TBCE: variants seen among roughly 807,000 people sequenced by gnomAD.
TBCE encodes tubulin-specific chaperone E.
A neutral mutation model predicts 77.0 loss-of-function variants in TBCE; 53 were observed. That is an observed-to-expected ratio of 0.69 (90% CI 0.55 to 0.87). TBCE has a LOEUF of 0.87. TBCE is among the 40% of genes least tolerant of loss of function. TBCE has a pLI of 0.00. For synonymous variants in TBCE, 235 were observed against 241.3 expected, an observed-to-expected ratio of 0.97 and a Z score of 0.24; for missense variants, 624 against 622.4, an observed-to-expected ratio of 1.00 and a Z score of -0.03.
Position 235,438,642 on chromosome 1 carries a change from A to G in TBCE, c.1117-127A>G, listed in dbSNP as rs1012041650. 1.2e-4 allele frequency: 130 copies of G among 1,092,334 alleles called. 1 individual carries two copies. The highest frequency in any genetic ancestry group is 1.5e-4 in the Non-Finnish European group (112 of 734,108). The allele number at this position is 1,092,334 out of a possible 1,614,324, so 67.7% of individuals were successfully genotyped here. ...AATGTTAAAAAGAAGGGTGAAAACT[A>G]GATCTTGTCCCTCTCAATTTGATTA... is the stretch of plus-strand genomic sequence containing the variant. On this transcript the variant is annotated intron_variant, in intron 12 of 16. Transcript: ENST00000642610.
In TBCE at chr1:235,373,928, C is replaced by T. The variant is rs559430197; in HGVS notation, c.-31-6091C>T. Among the ~76,000 whole-genome samples the T allele has an allele frequency of 1.8e-4, 26 of 145,776 alleles. 4 individuals are homozygous for T. The highest frequency in any genetic ancestry group is 6.3e-4 in the African/African-American group (24 of 37,858). On this transcript the variant is annotated intron_variant, in intron 1 of 16. Transcript: ENST00000642610. ...CCTCCCAAAGTGCTGGGATTACAGA[C>T]GTGAGCCACCGCACCCAGACTTGTA...
chr1:235,397,009 T>G (rs1175340055), intron 2 of TBCE, among the ~76,000 whole-genome samples: 1 of 151,844 alleles, frequency 6.6e-6, no homozygotes, highest in South Asian at 2.1e-4. Context: ...AGAGTCTCGC[T>G]CTGTCTCCAA....
At chr1:235,380,880 G>C (rs1243884643) in intron 2 of TBCE, among the ~76,000 whole-genome samples, 1 of 152,072 alleles carries the variant, frequency 6.6e-6, no homozygotes, top group Non-Finnish European at 1.5e-5. Flanking sequence ...CTGCCTCCTG[G>C]GTTCAAGCGA....
intron 2 of TBCE, among the ~76,000 whole-genome samples, chr1:235,394,219 C>T (rs1029106467): frequency 1.3e-5 from 2 of 151,880 alleles, no homozygotes; most frequent in East Asian, 1.9e-4. Context: ...GAAATACAGG[C>T]GCCCACCACT....
Position 235,449,910 on chromosome 1 carries a change from T to TA in TBCE, c.*1149dup. The TA allele has an allele frequency of 4.1e-6, 1 of 244,940 alleles. No individual in the cohort carries two copies. Among genetic ancestry groups the TA allele is most frequent in the Admixed American group, 4.9e-5 (1 of 20,400 alleles). The allele number at this position is 244,940 out of a possible 1,614,324, so 15.2% of individuals were successfully genotyped here. On this transcript the variant is annotated 3_prime_UTR_variant, in exon 17 of 17. Coordinates refer to ENST00000642610, the MANE Select transcript of TBCE (RefSeq NM_003193.5). ...CTATAGGTAATGGTGAATTACTAATTAGCCACAATGCATCAGGATTTAGAA... is the reference window on the plus strand; with the variant it reads ...CTATAGGTAATGGTGAATTACTAATTAAGCCACAATGCATCAGGATTTAGAA...
At chr1:235,403,001 G>A (rs895248101) in intron 3 of TBCE, among the ~76,000 whole-genome samples, 29 of 152,106 alleles carry the variant, frequency 1.9e-4, no homozygotes, top group African/African-American at 5.8e-4. Flanking sequence ...TCAGAATTAG[G>A]TAACCACACA....
At chr1:235,399,447 A>G (rs1306986311) in intron 2 of TBCE, among the ~76,000 whole-genome samples, 1 of 152,114 alleles carries the variant, frequency 6.6e-6, no homozygotes, top group Non-Finnish European at 1.5e-5. Context: ...GCCCCAAGGC[A>G]GAACTCTAAT....
intron 1 of TBCE, among the ~76,000 whole-genome samples, chr1:235,368,318 G>C (rs939862757): frequency 6.6e-6 from 1 of 152,284 alleles, no homozygotes; most frequent in South Asian, 2.1e-4. Flanking sequence ...GTCCTGGCAG[G>C]AAGACGGGGT....
At chr1:235,408,335 G>A (rs1021005237) in intron 3 of TBCE, among the ~76,000 whole-genome samples, 3 of 152,096 alleles carry the variant, frequency 2.0e-5, no homozygotes, top group Non-Finnish European at 4.4e-5. Flanking sequence ...CATCTTTTGT[G>A]TGTCATAAGC....
Position 235,380,147 on chromosome 1 carries a change from C to T in TBCE, c.98C>T (p.Ala33Val), listed in dbSNP as rs756536817. The T allele has an allele frequency of 5.7e-6, 9 of 1,587,754 alleles. No homozygotes were observed. The South Asian group carries it at 9.9e-5, about 18-fold the overall frequency. ...VRFAGVVPPV[A>V]GPWLGVEWDN... is the part of the protein sequence containing the mutation. Reference sequence around the variant, plus strand: ...TTTGCTGGTGTTGTCCCTCCCGTGGCAGGTAAGCAATTATTGTGTGTGTGT... The same window carrying T: ...TTTGCTGGTGTTGTCCCTCCCGTGGTAGGTAAGCAATTATTGTGTGTGTGT... The change falls in exon 2 of 17, where the codon GCA becomes GTA. Residue 33 changes from alanine to valine, a missense_variant and splice_region_variant. Physicochemically the swap from Ala to Val is moderately conservative, Grantham distance 64. Transcript: ENST00000642610.
intron 2 of TBCE, among the ~76,000 whole-genome samples, chr1:235,383,878 C>T (rs200878321): frequency 0.079 from 12,033 of 151,956 alleles, 1,184 homozygotes; most frequent in East Asian, 0.46. Flanking sequence ...TGAGAGAGGG[C>T]ATCCCTGTCT....
intron 5 of TBCE, among the ~76,000 whole-genome samples, chr1:235,422,550 C>T (rs1226642316): frequency 6.6e-6 from 1 of 150,692 alleles, no homozygotes; most frequent in Non-Finnish European, 1.5e-5. Context: ...AACGGGGGGG[C>T]CAGGTGTGGT....
chr1:235,375,605 C>T (rs1677245926), intron 1 of TBCE, among the ~76,000 whole-genome samples: 2 of 152,128 alleles, frequency 1.3e-5, no homozygotes, highest in African/African-American at 4.8e-5. Flanking sequence ...CCACTGGTTA[C>T]TAGCTAGAAG....
At chr1:235,439,389 A>T (rs1479156707) in intron 13 of TBCE, among the ~76,000 whole-genome samples, 7 of 150,790 alleles carry the variant, frequency 4.6e-5, no homozygotes, top group Admixed American at 4.6e-4. Flanking sequence ...CCAGCTACTC[A>T]GGAGGCTGAG....
chr1:235,407,349 G>A (rs1349926665), intron 3 of TBCE, among the ~76,000 whole-genome samples: 1 of 152,030 alleles, frequency 6.6e-6, no homozygotes, highest in Non-Finnish European at 1.5e-5. Flanking sequence ...GCCTCCCAAA[G>A]TGCTGGGATT....
intron 4 of TBCE, chr1:235,416,180 A>G (rs1558374149): frequency 1.3e-5 from 2 of 149,576 alleles, no homozygotes. Context: ...AAAAAAAAAA[A>G]AAAAAAGAAA....
intron 2 of TBCE, among the ~76,000 whole-genome samples, chr1:235,384,794 G>GT (rs1677892637): frequency 6.6e-6 from 1 of 152,018 alleles, no homozygotes; most frequent in South Asian, 2.1e-4. Context: ...TTTTTGAAGG[G>GT]TTTTTTGTGT....
chr1:235,386,178 A>G (rs1227663474), intron 2 of TBCE, among the ~76,000 whole-genome samples: 2 of 152,208 alleles, frequency 1.3e-5, no homozygotes, highest in South Asian at 2.1e-4. Context: ...GTTTCTGCCA[A>G]GAGATCCGCT....
intron 5 of TBCE, among the ~76,000 whole-genome samples, chr1:235,419,904 G>A (rs1185328053): frequency 1.3e-5 from 2 of 151,952 alleles, no homozygotes. Flanking sequence ...TGGCCAACAT[G>A]GTGAAACCTG....
Sources: allele counts gnomAD v4.1 joint callset (sites outside exome capture counted in the v4.1 genomes callset), GRCh38; gene constraint gnomAD v4.1.1; transcripts MANE v1.5; gene names NCBI Gene and HGNC (gene_info 2026-07-23, HGNC 2026-07-21).